HNF1B: variants seen among roughly 807,000 people sequenced by gnomAD.
The protein encoded by HNF1B is hepatocyte nuclear factor 1-beta.
HNF1B carries 8 observed loss-of-function variants against 61.7 expected under a neutral mutation model. The observed-to-expected ratio is 0.13, with a 90% CI of 0.08 to 0.23. The LOEUF is 0.23. Among genes scored for constraint, HNF1B ranks in the 10% least tolerant of loss-of-function variants. HNF1B has a pLI of 1.00. For synonymous variants in HNF1B, 314 were observed against 287.7 expected (o/e 1.09, Z -0.93); for missense variants, 562 against 714.5 (o/e 0.79, Z 2.43).
chr17:37,720,139 G>A (rs1372781995), intron 4 of HNF1B, among the ~76,000 whole-genome samples: 1 of 152,120 alleles, frequency 6.6e-6, no homozygotes, highest in African/African-American at 2.4e-5. Flanking sequence ...CCCAGAGCAG[G>A]GCAGTTTTGT....
intron 4 of HNF1B, among the ~76,000 whole-genome samples, chr17:37,717,585 G>A (rs2033166777): frequency 6.6e-6 from 1 of 152,132 alleles, no homozygotes; most frequent in South Asian, 2.1e-4. Context: ...GGAGAGACTG[G>A]GCCAGGCTTG....
chr17:37,713,168 T>G (rs3110645), intron 4 of HNF1B, among the ~76,000 whole-genome samples: 23,605 of 152,092 alleles, frequency 0.16, 2,361 homozygotes, highest in Middle Eastern at 0.22. Flanking sequence ...TGAGAGAGTG[T>G]TGATAACGCT....
chr17:37,735,536 GC>G (rs1323634034), intron 2 of HNF1B, among the ~76,000 whole-genome samples: 1 of 152,116 alleles, frequency 6.6e-6, no homozygotes, highest in Non-Finnish European at 1.5e-5. Context: ...TTTCAGTGGT[GC>G]CCAACAATGC....
At chr17:37,722,354 A>T (rs910336567) in intron 4 of HNF1B, among the ~76,000 whole-genome samples, 20 of 152,170 alleles carry the variant, frequency 1.3e-4, no homozygotes, top group African/African-American at 4.8e-4. Context: ...GTCTGATCAT[A>T]TTTAAGCCTC....
intron 8 of HNF1B, among the ~76,000 whole-genome samples, chr17:37,694,789 G>T (rs567962133): frequency 1.8e-4 from 27 of 152,306 alleles, no homozygotes; most frequent in Admixed American, 6.5e-4. Context: ...GTATCTAACA[G>T]AAGACATTTC....
intron 4 of HNF1B, among the ~76,000 whole-genome samples, chr17:37,721,569 T>C (rs1390730984): frequency 6.6e-6 from 1 of 152,152 alleles, no homozygotes; most frequent in Non-Finnish European, 1.5e-5. Flanking sequence ...TCTGATCTCC[T>C]GAATCCTAGT....
chr17:37,695,406 G>A (rs2032350747), intron 8 of HNF1B, among the ~76,000 whole-genome samples: 1 of 152,266 alleles, frequency 6.6e-6, no homozygotes, highest in South Asian at 2.1e-4. Flanking sequence ...GCTTGCTGCA[G>A]GGGCAGAGCC....
chr17:37,725,720 C>T (rs1204756697), intron 4 of HNF1B, among the ~76,000 whole-genome samples: 2 of 152,184 alleles, frequency 1.3e-5, no homozygotes, highest in East Asian at 1.9e-4. Context: ...CCTTATTTAC[C>T]GTGAGGAACT....
At chr17:37,743,450 C>T (rs927781550) in intron 1 of HNF1B, among the ~76,000 whole-genome samples, 1 of 152,244 alleles carries the variant, frequency 6.6e-6, no homozygotes, top group African/African-American at 2.4e-5. Context: ...TCTACAAGTT[C>T]CCCTGATTGT....
chr17:37,688,834 G>C (rs190564609), intron 8 of HNF1B, among the ~76,000 whole-genome samples: 1 of 152,140 alleles, frequency 6.6e-6, no homozygotes, highest in Non-Finnish European at 1.5e-5. Context: ...AGCCCCTGCT[G>C]CTCCTCAGTA....
chr17:37,705,742 A>G (rs2032725512), intron 5 of HNF1B, among the ~76,000 whole-genome samples: 1 of 152,116 alleles, frequency 6.6e-6, no homozygotes, highest in Admixed American at 6.5e-5. Context: ...TTTCCTTGCT[A>G]GTACTGATAT....
chr17:37,744,551 G>A lies in HNF1B; in HGVS notation c.334C>T (p.Arg112Trp). The change falls in exon 1 of 9, where the codon CGG becomes TGG. Residue 112 changes from arginine (R) to tryptophan (W), a missense_variant. This residue lies in a region of HNF1B where 148 missense variants were observed against 147.3 expected (regional missense o/e 1.00). Coordinates refer to ENST00000617811, the MANE Select transcript of HNF1B (RefSeq NM_000458.4). ...EAAEQRAEVDRMLSEDPWRAA... is the reference protein window; with the variant it reads ...EAAEQRAEVDWMLSEDPWRAA... ...TCGCTCTGCGCCTACCTGAGCATCC[G>A]GTCCACCTCCGCCCGCTGCTCCGCC... The A allele has an allele frequency of 6.2e-7, 1 of 1,602,974 alleles. No individual in the cohort carries two copies. The highest frequency in any genetic ancestry group is 8.5e-7 in the Non-Finnish European group (1 of 1,179,844).
chr17:37,737,766 C>A (rs369293349), intron 2 of HNF1B, among the ~76,000 whole-genome samples: 1 of 151,780 alleles, frequency 6.6e-6, no homozygotes, highest in Non-Finnish European at 1.5e-5. Context: ...ACCCGGGAGG[C>A]GGAGCTTGCA....
chr17:37,728,592 C>T (rs1034721065), intron 4 of HNF1B: 1 of 151,982 alleles, frequency 6.6e-6, no homozygotes, highest in Non-Finnish European at 1.5e-5. Context: ...AGGCGTGAGC[C>T]ACCGCACCCG....
chr17:37,688,380 A>AACACACACACACACAC lies in HNF1B; in HGVS notation c.1654-1004_1654-989dup, dbSNP rs5820230. Among the ~76,000 whole-genome samples, 59 of 136,180 alleles carry AACACACACACACACAC rather than the reference A, an allele frequency of 4.3e-4. 1 individual carries two copies. The highest frequency in any genetic ancestry group is 1.3e-3 in the African/African-American group (47 of 36,306). The allele number at this position is 136,180 out of a possible 152,430, so 89.3% of individuals were successfully genotyped here. A position where few individuals can be genotyped will look rare whatever the true frequency, so the allele number is the denominator to read the frequency against. ...GGCTTATTCTCTCAAGATCCCCCCA[A>AACACACACACACACAC]ACACACACACACACACACACACACA... is the stretch of plus-strand genomic sequence containing the variant. On this transcript the variant is annotated intron_variant, in intron 8 of 8. Transcript: ENST00000617811.
chr17:37,699,275 G>A (rs1048901751), intron 7 of HNF1B, 81 bp from the exon 8 acceptor site: 1 of 994,810 alleles, frequency 1.0e-6, no homozygotes, highest in Non-Finnish European at 1.6e-6. Context: ...CCACACCATA[G>A]CTCCCATCTC....
rs77642064 is a variant in HNF1B, at chr17:37,720,374, A to G, written c.1046-9711T>C. Among the ~76,000 whole-genome samples the G allele has an allele frequency of 9.5e-3, 1,443 of 152,304 alleles. 10 individuals are homozygous for G. The highest frequency in any genetic ancestry group is 0.015 in the Non-Finnish European group (1,044 of 68,020). ...GTAGAACATTAGGGAGAAACTCATGATACGTTCTTTGAAAACTTTCTGGTA... is the reference window on the plus strand; with the variant it reads ...GTAGAACATTAGGGAGAAACTCATGGTACGTTCTTTGAAAACTTTCTGGTA... On this transcript the variant is annotated intron_variant, in intron 4 of 8. Transcript: ENST00000617811.
At position 37,689,424 on chromosome 17, in the gene HNF1B, G is replaced by A. The variant is rs1011905315; in HGVS notation, c.1654-2032C>T. ...AAACAAGAAGGGCAGATAAGGAGACGCCAGTGAGATTCTATGGCCTGTCAT... is the reference window on the plus strand; with the variant it reads ...AAACAAGAAGGGCAGATAAGGAGACACCAGTGAGATTCTATGGCCTGTCAT... On this transcript the variant is annotated intron_variant, in intron 8 of 8. Transcript: ENST00000617811. Among the ~76,000 whole-genome samples the A allele has an allele frequency of 3.3e-5, 5 of 152,212 alleles. No homozygotes were observed. In the South Asian group the frequency reaches 6.2e-4, roughly 19 times the overall value.
intron 4 of HNF1B, among the ~76,000 whole-genome samples, chr17:37,711,790 T>A (rs1039327776): frequency 4.6e-5 from 7 of 152,196 alleles, no homozygotes; most frequent in Non-Finnish European, 1.5e-5. Flanking sequence ...GTGGACCAAC[T>A]CTTTAGCTGC....
Sources: gnomAD v4.1 joint callset for allele counts (sites outside exome capture counted in the v4.1 genomes callset) on GRCh38, gnomAD v4.1.1 for gene constraint, gnomAD v4.1.1 regional missense constraint, MANE v1.5 for transcripts, NCBI Gene and HGNC (gene_info 2026-07-23, HGNC 2026-07-21) for gene names.